Variants in APC2 observed in about 807,000 individuals in gnomAD.
APC2 encodes the protein adenomatous polyposis coli protein 2.
Under a neutral mutation model 72.5 loss-of-function variants are expected in APC2, and 41 were observed. The ratio of observed to expected loss-of-function variants is 0.57; its 90% CI spans 0.44 to 0.73. The LOEUF (loss-of-function observed/expected upper bound fraction) is 0.73. Ranked by LOEUF, APC2 falls within the 30% of genes least tolerant of loss-of-function variation. The pLI is 0.00. For synonymous variants in APC2, 1,898 were observed against 1,612.0 expected (o/e 1.18, Z -4.25); for missense variants, 3,729 against 3,403.4 (o/e 1.10, Z -2.38).
At position 1,466,009 on chromosome 19, in the gene APC2, G is replaced by A. The variant is rs763663201; in HGVS notation, c.2708G>A (p.Arg903Gln). The A allele has an allele frequency of 6.7e-6, 10 of 1,500,264 alleles. No homozygotes were observed. The highest frequency in any genetic ancestry group is 2.6e-5 in the South Asian group (2 of 77,554). The allele number at this position is 1,500,264 out of a possible 1,614,324, so 92.9% of individuals were successfully genotyped here. A position where few individuals can be genotyped will look rare whatever the true frequency, so the allele number is the denominator to read the frequency against. The change falls in exon 15 of 15, where the codon CGA (arginine) becomes CAA (glutamine). Residue 903 changes from arginine to glutamine, a missense_variant. By Grantham distance (43) the Arg-to-Gln change is conservative. Coordinates refer to ENST00000590469, the MANE Select transcript of APC2 (RefSeq NM_005883.3). ...TGCCGCGGCCCGGAGGGCGGGCGGCGAGAGGCAGGAAGCCGGGCGCACCCG... is the reference window on the plus strand; with the variant it reads ...TGCCGCGGCCCGGAGGGCGGGCGGCAAGAGGCAGGAAGCCGGGCGCACCCG... ...SPCRGPEGGR[R>Q]EAGSRAHPLL...
intron 11 of APC2, 98 bp from the exon 12 acceptor site, chr19:1,460,682 G>C (rs936522695): frequency 5.5e-6 from 7 of 1,275,296 alleles, no homozygotes; most frequent in Admixed American, 4.2e-5. Context: ...GCAGGGGTCT[G>C]AGTTTGCAGC....
rs778775337 is a variant in APC2, at chr19:1,457,133, A to C, written c.1097A>C (p.Lys366Thr). The C allele has an allele frequency of 1.9e-6, 3 of 1,589,454 alleles. No individual in the cohort carries two copies. The highest frequency in any genetic ancestry group is 1.7e-6 in the Non-Finnish European group (2 of 1,170,868). The change falls in exon 9 of 15, where the codon AAG becomes ACG. Residue 366 changes from lysine (K) to threonine (T), a missense_variant. Lys to Thr is a moderately conservative substitution (Grantham distance 78). Transcript: ENST00000590469. ...FSQPDQGLAR[K>T]EMRVLHVLEQ... is the part of the protein sequence containing the mutation. ...CAGCCGGACCAGGGCCTGGCGCGCA[A>C]GGAGATGCGCGTCCTGCACGTGCTG...
Position 1,467,477 on chromosome 19 carries a change from C to T in APC2, c.4176C>T (p.Ser1392=). Residue 1392 remains serine (S), a synonymous_variant, in exon 15 of 15, where the codon TCC becomes TCT. Transcript: ENST00000590469. ...AGGAGGACGACTCCTGCACTGACTC[C>T]GCGGAGGGCACGCCGGTCAACTTCT... is the stretch of plus-strand genomic sequence containing the variant. ...PAQEDDSCTD[S]AEGTPVNFSS... 1 of 1,457,186 alleles carries T rather than the reference C, an allele frequency of 6.9e-7. No individual in the cohort carries two copies. The highest frequency in any genetic ancestry group is 9.0e-7 in the Non-Finnish European group (1 of 1,106,390). 90.3% of individuals were successfully genotyped at this position (1,457,186 alleles called of 1,614,324 possible).
chr19:1,447,070 G>A (rs1001936746), upstream of APC2, among the ~76,000 whole-genome samples: 3 of 152,340 alleles, frequency 2.0e-5, no homozygotes, highest in East Asian at 1.9e-4. Flanking sequence ...CGCCGCCGGG[G>A]AAACTGAGGC....
chr19:1,453,414 T>C lies in APC2; in HGVS notation c.233-17T>C, dbSNP rs372963075. ...CAGGCAGGGCCGCTGACCTCCGCCCTGTCCCCGCCCATCCAGCCCTACAGA... is the reference window on the plus strand; with the variant it reads ...CAGGCAGGGCCGCTGACCTCCGCCCCGTCCCCGCCCATCCAGCCCTACAGA... On this transcript the variant is annotated splice_polypyrimidine_tract_variant and intron_variant, in intron 3 of 14. Coordinates refer to ENST00000590469, the MANE Select transcript of APC2 (RefSeq NM_005883.3). 6.2e-7 allele frequency: 1 copy of C among 1,604,146 alleles called. No homozygotes were observed. The highest frequency in any genetic ancestry group is 8.5e-7 in the Non-Finnish European group (1 of 1,173,646).
Position 1,472,307 on chromosome 19 carries a change from G to C in APC2, c.*2094G>C, listed in dbSNP as rs948803419. 2.0e-5 allele frequency: 3 copies of C among 152,316 alleles called. No homozygotes were observed. Among genetic ancestry groups the C allele is most frequent in the African/African-American group, 4.8e-5 (2 of 41,468 alleles). 9.4% of individuals were successfully genotyped at this position (152,316 alleles called of 1,614,324 possible). On this transcript the variant is annotated 3_prime_UTR_variant, in exon 15 of 15. Transcript: ENST00000590469. The stretch of plus-strand genomic sequence containing the variant: ...CCTAATTGCCAAAGGGTAGGGAAAT[G>C]GCGAAGCCAGCCACCAGGTCGCTGG...
At chr19:1,446,334 G>A, upstream of APC2, 1 of 985,344 alleles carries the variant, frequency 1.0e-6, no homozygotes, top group Non-Finnish European at 1.2e-6. This position sits in a 1 kb window ranked among gnomAD's most constrained non-coding sequence, Gnocchi z 6.1. Flanking sequence ...GCCTTCTTCG[G>A]GGACCAGGTA....
rs1215169696 is a variant in APC2 at position 1,469,714 on chromosome 19, G to T, written c.6413G>T (p.Arg2138Met). 4.1e-6 allele frequency: 6 copies of T among 1,446,750 alleles called. No individual in the cohort carries two copies. Among genetic ancestry groups the T allele is most frequent in the Non-Finnish European group, 4.5e-6 (5 of 1,106,308 alleles). The allele number at this position is 1,446,750 out of a possible 1,614,324, so 89.6% of individuals were successfully genotyped here. A position where few individuals can be genotyped will look rare whatever the true frequency, so the allele number is the denominator to read the frequency against. ...SSDGEPRPLPRVAAPGTTWRR... is the reference protein window; with the variant it reads ...SSDGEPRPLPMVAAPGTTWRR... ...GACGGGGAGCCCCGGCCGCTCCCCA[G>T]GGTGGCCGCGCCGGGCACGACCTGG... is the stretch of plus-strand genomic sequence containing the variant. Residue 2138 changes from arginine to methionine, a missense_variant, in exon 15 of 15, where the codon AGG becomes ATG. Arg to Met is a moderately conservative substitution (Grantham distance 91). Transcript: ENST00000590469.
At chr19:1,446,963 C>T (rs111678015), upstream of APC2, among the ~76,000 whole-genome samples, 8,263 of 152,212 alleles carry the variant, frequency 0.054, 284 homozygotes, top group Middle Eastern at 0.095. This position sits in a 1 kb window ranked among gnomAD's most constrained non-coding sequence, Gnocchi z 6.1. Context: ...GCTTCGAGGC[C>T]GGAGCCTCGT....
chr19:1,454,061 G>C (rs117155214), intron 4 of APC2, among the ~76,000 whole-genome samples: 2,333 of 152,304 alleles, frequency 0.015, 66 homozygotes, highest in African/African-American at 0.048. Context: ...CTGTGCAGCT[G>C]GGAGGGGTCA....
rs762503349 is a variant in APC2 at position 1,468,790 on chromosome 19, C to A, written c.5489C>A (p.Ala1830Asp). The change falls in exon 15 of 15, where the codon GCC becomes GAC. Residue 1830 changes from alanine to aspartate, a missense_variant. Physicochemically the swap from Ala to Asp is moderately radical, Grantham distance 126. Coordinates refer to ENST00000590469, the MANE Select transcript of APC2 (RefSeq NM_005883.3). ...PPCLAQPAAP[A>D]KVPSPGQQRS... ...TGCCTGGCACAGCCCGCGGCTCCAG[C>A]CAAAGTCCCGAGCCCCGGGCAGCAG... 6.6e-7 allele frequency: 1 copy of A among 1,523,552 alleles called. No homozygotes were observed. The highest frequency in any genetic ancestry group is 1.4e-5 in the African/African-American group (1 of 72,114). The allele number at this position is 1,523,552 out of a possible 1,614,324, so 94.4% of individuals were successfully genotyped here. A position where few individuals can be genotyped will look rare whatever the true frequency, so the allele number is the denominator to read the frequency against.
intron 14 of APC2, among the ~76,000 whole-genome samples, chr19:1,462,655 CAAAAA>C (rs34103912): frequency 8.0e-5 from 2 of 24,908 alleles, no homozygotes; most frequent in Non-Finnish European, 1.7e-4. Context: ...AACTTCATCT[CAAAAA>C]AAAAAAAAAA....
chr19:1,458,377 T>C (rs1481691214), intron 10 of APC2: 6 of 375,250 alleles, frequency 1.6e-5, no homozygotes, highest in Middle Eastern at 1.5e-3. Flanking sequence ...AGGCCCAGAA[T>C]TGGAACTGTA....
Position 1,453,078 on chromosome 19 carries a change from G to C in APC2, c.77G>C (p.Arg26Thr). ...EALKAENSHL[R>T]QELRDNSSHL... ...TTGAAGGCTGAGAACAGCCACCTGA[G>C]GCAGGAGCTAAGGGACAACTCCAGC... Residue 26 changes from arginine (R) to threonine (T), a missense_variant, in exon 2 of 15, where the codon AGG becomes ACG. By Grantham distance (71) the Arg-to-Thr change is moderately conservative. Transcript: ENST00000590469. 6.2e-7 allele frequency: 1 copy of C among 1,610,424 alleles called. No homozygotes were observed.
rs2084132956 is a variant in APC2 at position 1,471,462 on chromosome 19, G to C, written c.*1249G>C. ...GGTGAAAGCTTATAGAAGGGCCTGA[G>C]GGGCTCGGCTGCCTCATCCCCTGGC... On this transcript the variant is annotated 3_prime_UTR_variant, in exon 15 of 15. Transcript: ENST00000590469. 6.6e-6 allele frequency: 1 copy of C among 152,256 alleles called. No homozygotes were observed. Among genetic ancestry groups the C allele is most frequent in the African/African-American group, 2.4e-5 (1 of 41,458 alleles). The allele number at this position is 152,256 out of a possible 1,614,324, so 9.4% of individuals were successfully genotyped here.
upstream of APC2, among the ~76,000 whole-genome samples, chr19:1,447,915 C>T (rs2083701256): frequency 6.6e-6 from 1 of 152,158 alleles, no homozygotes; most frequent in African/African-American, 2.4e-5. Flanking sequence ...CAAACCCCTG[C>T]CTGATGGGGG....
rs1377422079 is a variant in APC2 at position 1,467,446 on chromosome 19, CGGCCCA to C, written c.4148_4153del (p.Ala1383_Gln1384del). The stretch of plus-strand genomic sequence containing the variant: ...TACATGTTGGTGCCCGCCCCGGCCC[CGGCCCA>C]GGAGGACGACTCCTGCACTGACTCC... On this transcript the variant is annotated inframe_deletion, in exon 15 of 15. Transcript: ENST00000590469. 4 of 1,476,280 alleles carry C rather than the reference CGGCCCA, an allele frequency of 2.7e-6. No homozygotes were observed. Among genetic ancestry groups the C allele is most frequent in the Non-Finnish European group, 3.6e-6 (4 of 1,117,790 alleles). 91.4% of individuals were successfully genotyped at this position (1,476,280 alleles called of 1,614,324 possible). A position where few individuals can be genotyped will look rare whatever the true frequency, so the allele number is the denominator to read the frequency against.
chr19:1,465,425 C>T lies in APC2; in HGVS notation c.2124C>T (p.Ala708=), dbSNP rs1375657916. Residue 708 remains alanine (A), a synonymous_variant, in exon 15 of 15, where the codon GCC becomes GCT. Transcript: ENST00000590469. ...RPAKHQAAAT[A]VSPGSCVPSL... ...CCAAGCACCAGGCGGCCGCCACCGCCGTGTCCCCAGGCAGCTGCGTGCCCA... is the reference window on the plus strand; with the variant it reads ...CCAAGCACCAGGCGGCCGCCACCGCTGTGTCCCCAGGCAGCTGCGTGCCCA... 4 of 1,544,992 alleles carry T rather than the reference C, an allele frequency of 2.6e-6. No homozygotes were observed. Among genetic ancestry groups the T allele is most frequent in the Non-Finnish European group, 2.6e-6 (3 of 1,152,344 alleles).
In APC2 at chr19:1,469,492, C is replaced by A; in HGVS notation, c.6191C>A (p.Ala2064Asp). 1 of 1,104,974 alleles carries A rather than the reference C, an allele frequency of 9.0e-7. No individual in the cohort carries two copies. The highest frequency in any genetic ancestry group is 1.1e-6 in the Non-Finnish European group (1 of 910,356). The allele number at this position is 1,104,974 out of a possible 1,614,324, so 68.4% of individuals were successfully genotyped here. A position where few individuals can be genotyped will look rare whatever the true frequency, so the allele number is the denominator to read the frequency against. The change falls in exon 15 of 15, where the codon GCC (alanine) becomes GAC (aspartate). Residue 2064 changes from alanine (A) to aspartate (D), a missense_variant. Transcript: ENST00000590469. ...CCGGCCCGGCAGCGGCCCCCCGCGG[C>A]CCGACCCAGCCCTGGCGAGCGCCCT... ...PAPARQRPPA[A>D]RPSPGERPAR...
Sources: gnomAD v4.1 joint callset for allele counts (sites outside exome capture counted in the v4.1 genomes callset) on GRCh38, gnomAD v4.1.1 for gene constraint, Gnocchi (gnomAD v3.1) non-coding constraint, MANE v1.5 for transcripts, NCBI Gene and HGNC (gene_info 2026-07-23, HGNC 2026-07-21) for gene names.